Variants in FAF1 observed in about 807,000 individuals in gnomAD.
FAF1 encodes Fas associated factor 1.
Under a neutral mutation model 92.5 loss-of-function variants are expected in FAF1, and 25 were observed. That is an observed-to-expected ratio of 0.27 (90% CI 0.20 to 0.38). The LOEUF (loss-of-function observed/expected upper bound fraction) is 0.38, where lower values mean the gene tolerates loss of function less well. FAF1 is among the 10% of genes least tolerant of loss of function. FAF1 has a pLI of 1.00. For synonymous variants in FAF1, 234 were observed against 273.2 expected (o/e 0.86, Z 1.42); for missense variants, 636 against 793.3 (o/e 0.80, Z 2.38).
intron 15 of FAF1, among the ~76,000 whole-genome samples, chr1:50,506,686 G>C (rs1170341173): frequency 6.6e-6 from 1 of 152,170 alleles, no homozygotes; most frequent in East Asian, 1.9e-4. Flanking sequence ...TATGGTTGAT[G>C]CTTGGTAGTG....
At chr1:50,724,270 T>TAC (rs1395717080) in intron 6 of FAF1, among the ~76,000 whole-genome samples, 2 of 124,288 alleles carry the variant, frequency 1.6e-5, no homozygotes, top group Admixed American at 8.5e-5. Flanking sequence ...CATATATATA[T>TAC]ACATATACAC....
chr1:50,799,261 T>C (rs78091876), intron 3 of FAF1, among the ~76,000 whole-genome samples: 16,211 of 152,294 alleles, frequency 0.11, 1,130 homozygotes, highest in Middle Eastern at 0.29. Flanking sequence ...GGCAAGTCTA[T>C]GTAAACTCTC....
At chr1:50,910,848 G>A (rs1050900230) in intron 1 of FAF1, among the ~76,000 whole-genome samples, 18 of 151,960 alleles carry the variant, frequency 1.2e-4, no homozygotes, top group Non-Finnish European at 2.4e-4. Flanking sequence ...GCAATGCCCC[G>A]CCCTGCTTCG....
At chr1:50,780,929 T>C in intron 4 of FAF1, 1 of 487,672 alleles carries the variant, frequency 2.1e-6, no homozygotes. Context: ...GCCAGAATTG[T>C]GGTGGAAAAG....
chr1:50,575,872 C>CTT (rs1438745283), intron 12 of FAF1, among the ~76,000 whole-genome samples: 1 of 152,148 alleles, frequency 6.6e-6, no homozygotes, highest in African/African-American at 2.4e-5. Flanking sequence ...ACTTATTTTT[C>CTT]TTAAAAGACA....
At chr1:50,852,403 T>C (rs1284837214) in intron 2 of FAF1, among the ~76,000 whole-genome samples, 2 of 152,218 alleles carry the variant, frequency 1.3e-5, no homozygotes, top group Admixed American at 6.5e-5. Flanking sequence ...GCAATTACTA[T>C]ATGTCACAGA....
At chr1:50,541,635 C>CATT (rs1648761403) in intron 13 of FAF1, among the ~76,000 whole-genome samples, 1 of 152,090 alleles carries the variant, frequency 6.6e-6, no homozygotes, top group Non-Finnish European at 1.5e-5. Context: ...TTGTTGCTTT[C>CATT]ACACCAATGG....
At chr1:50,640,655 T>C (rs191826262) in intron 8 of FAF1, among the ~76,000 whole-genome samples, 18 of 152,200 alleles carry the variant, frequency 1.2e-4, no homozygotes, top group Admixed American at 1.2e-3. Context: ...AAGCAACTTG[T>C]CCATTTCAGC....
chr1:50,889,835 T>G (rs1202935458), intron 1 of FAF1, among the ~76,000 whole-genome samples: 1 of 152,210 alleles, frequency 6.6e-6, no homozygotes, highest in East Asian at 1.9e-4. Context: ...GAAGAATGTA[T>G]ATTCTGTTGA....
chr1:50,955,203 A>T (rs1172434930), intron 1 of FAF1, among the ~76,000 whole-genome samples: 1 of 152,230 alleles, frequency 6.6e-6, no homozygotes, highest in African/African-American at 2.4e-5. Context: ...GAATTCTACA[A>T]TTACAAAAAG....
chr1:50,885,028 T>C (rs1644647139), intron 1 of FAF1, among the ~76,000 whole-genome samples: 2 of 152,202 alleles, frequency 1.3e-5, no homozygotes, highest in South Asian at 4.1e-4. Flanking sequence ...AGAAAATTAC[T>C]TCCTTTAGAT....
chr1:50,669,097 A>G (rs1246598148), intron 7 of FAF1, among the ~76,000 whole-genome samples: 1 of 152,162 alleles, frequency 6.6e-6, no homozygotes, highest in Non-Finnish European at 1.5e-5. Context: ...ATCTATCATT[A>G]AGACTCAGTG....
At chr1:50,944,253 C>A (rs1409622686) in intron 1 of FAF1, among the ~76,000 whole-genome samples, 2 of 152,088 alleles carry the variant, frequency 1.3e-5, no homozygotes, top group African/African-American at 2.4e-5. Flanking sequence ...GGATGGCAGA[C>A]CCAGCAGGGA....
intron 3 of FAF1, among the ~76,000 whole-genome samples, chr1:50,793,146 G>GTTT (rs1384783298): frequency 6.6e-6 from 1 of 152,082 alleles, no homozygotes; most frequent in East Asian, 1.9e-4. Flanking sequence ...TGACCACTGT[G>GTTT]GAGAACCACA....
At chr1:50,822,772 TTC>T (rs1228561547) in intron 2 of FAF1, among the ~76,000 whole-genome samples, 42 of 142,476 alleles carry the variant, frequency 2.9e-4, no homozygotes, top group African/African-American at 1.1e-3. Context: ...CTTTCTTTCT[TTC>T]TTTTTTTTTT....
chr1:50,686,975 C>G (rs559304886), intron 7 of FAF1, among the ~76,000 whole-genome samples: 35 of 152,116 alleles, frequency 2.3e-4, no homozygotes, highest in African/African-American at 7.2e-4. Context: ...ATTACAGGCG[C>G]ATGCCACCAC....
intron 7 of FAF1, among the ~76,000 whole-genome samples, chr1:50,659,264 GAGA>G (rs1432039590): frequency 1.3e-5 from 2 of 151,908 alleles, no homozygotes; most frequent in South Asian, 2.1e-4. Flanking sequence ...AAGGGAAAGG[GAGA>G]AGAAGGGGAA....
intron 7 of FAF1, among the ~76,000 whole-genome samples, chr1:50,659,853 G>A (rs572951805): frequency 2.8e-4 from 42 of 152,154 alleles, no homozygotes; most frequent in Non-Finnish European, 4.6e-4. Flanking sequence ...TAAGACAATC[G>A]TTTGCAACTG....
At chr1:50,648,825 C>G (rs927469661) in intron 8 of FAF1, among the ~76,000 whole-genome samples, 16 of 152,220 alleles carry the variant, frequency 1.1e-4, no homozygotes, top group African/African-American at 3.4e-4. Context: ...ACTCGGGAAG[C>G]TGAGGTAGGA....
Sources: gnomAD v4.1 joint callset for allele counts (sites outside exome capture counted in the v4.1 genomes callset) on GRCh38, gnomAD v4.1.1 for gene constraint, MANE v1.5 for transcripts, NCBI Gene and HGNC (gene_info 2026-07-23, HGNC 2026-07-21) for gene names.